The following CFAP20DC variants were observed in gnomAD, a reference collection of about 807,000 sequenced individuals.
CFAP20DC encodes CFAP20 domain containing.
In CFAP20DC, 84 loss-of-function variants were observed where a neutral mutation model predicts 101.7. The ratio of observed to expected loss-of-function variants is 0.83; its 90% confidence interval spans 0.69 to 0.99. The LOEUF (loss-of-function observed/expected upper bound fraction) is 0.99. Among genes scored for constraint, CFAP20DC ranks in the 50% least tolerant of loss-of-function variants. The pLI, the probability that CFAP20DC is intolerant of heterozygous loss-of-function variation, is 0.00. For synonymous variants in CFAP20DC, 359 were observed against 351.2 expected, an observed-to-expected ratio of 1.02 and a Z score of -0.25; for missense variants, 1,007 against 970.3, an observed-to-expected ratio of 1.04 and a Z score of -0.50.
At chr3:58,969,082 C>T (rs1345138605) in intron 4 of CFAP20DC, among the ~76,000 whole-genome samples, 1 of 152,104 alleles carries the variant, frequency 6.6e-6, no homozygotes, top group Non-Finnish European at 1.5e-5. Flanking sequence ...TGTTTTTGTA[C>T]CAGTACCATG....
chr3:58,945,535 G>C (rs897836918), intron 4 of CFAP20DC, among the ~76,000 whole-genome samples: 1 of 151,994 alleles, frequency 6.6e-6, no homozygotes, highest in African/African-American at 2.4e-5. Flanking sequence ...CTCATTCCCA[G>C]GCTCCTGGGG....
Position 59,014,341 on chromosome 3 carries a change from T to C in CFAP20DC, c.278+25216A>G, listed in dbSNP as rs1246841854. ...ATAATGTGAAGCTACTTAAAAATAA[T>C]AAAAATCCACCAGAGATGATGTAGA... On this transcript the variant is annotated intron_variant, in intron 4 of 16. Coordinates refer to ENST00000482387, the MANE Select transcript of CFAP20DC (RefSeq NM_001394063.1). This position sits in a 1 kb window ranked among gnomAD's most constrained non-coding sequence, Gnocchi z 4.9. Among the ~76,000 whole-genome samples the C allele has an allele frequency of 6.6e-6, 1 of 152,084 alleles. No homozygotes were observed. The highest frequency in any genetic ancestry group is 1.5e-5 in the Non-Finnish European group (1 of 67,984).
At chr3:59,029,520 G>T (rs900360124) in intron 4 of CFAP20DC, among the ~76,000 whole-genome samples, 5 of 152,060 alleles carry the variant, frequency 3.3e-5, no homozygotes, top group African/African-American at 1.2e-4. Context: ...CCTAAGAAGA[G>T]ACTTCACCTG....
At chr3:58,819,411 A>G (rs1288306564) in intron 14 of CFAP20DC, among the ~76,000 whole-genome samples, 4 of 151,858 alleles carry the variant, frequency 2.6e-5, no homozygotes, top group Non-Finnish European at 5.9e-5. Flanking sequence ...TAATAAAGAA[A>G]AAAAGAGAGA....
At chr3:58,891,868 C>G (rs1254324040) in intron 6 of CFAP20DC, among the ~76,000 whole-genome samples, 1 of 152,200 alleles carries the variant, frequency 6.6e-6, no homozygotes, top group African/African-American at 2.4e-5. Flanking sequence ...GTGTTTTCAT[C>G]ATGAAATCTT....
At chr3:58,791,014 C>G (rs2072801831) in intron 15 of CFAP20DC, among the ~76,000 whole-genome samples, 1 of 152,130 alleles carries the variant, frequency 6.6e-6, no homozygotes, top group Non-Finnish European at 1.5e-5. Context: ...AAGCCTACAT[C>G]AGCTCAGTAT....
At chr3:58,778,280 T>C (rs1332637492) in intron 15 of CFAP20DC, among the ~76,000 whole-genome samples, 1 of 152,180 alleles carries the variant, frequency 6.6e-6, no homozygotes, top group Non-Finnish European at 1.5e-5. Flanking sequence ...AGGGCAGATC[T>C]TCCCAGCCTG....
chr3:59,038,791 A>G (rs1331883406), intron 4 of CFAP20DC, among the ~76,000 whole-genome samples: 2 of 152,138 alleles, frequency 1.3e-5, no homozygotes, highest in Non-Finnish European at 2.9e-5. Context: ...TCTTTTACTT[A>G]GTAAAAGCAG....
chr3:58,781,515 CT>C (rs2071824079), intron 15 of CFAP20DC, among the ~76,000 whole-genome samples: 1 of 151,662 alleles, frequency 6.6e-6, no homozygotes, highest in Admixed American at 6.6e-5. Flanking sequence ...AAAAAGTTGG[CT>C]TTTTGAAAGA....
chr3:58,931,694 C>T (rs1474202739), intron 5 of CFAP20DC, among the ~76,000 whole-genome samples: 2 of 151,060 alleles, frequency 1.3e-5, no homozygotes, highest in Non-Finnish European at 2.9e-5. Context: ...CAAACTCCAA[C>T]GGACCTGCAG....
intron 4 of CFAP20DC, among the ~76,000 whole-genome samples, chr3:58,986,872 A>C (rs1463298042): frequency 6.6e-6 from 1 of 152,190 alleles, no homozygotes; most frequent in Admixed American, 6.5e-5. Flanking sequence ...GAAATGATAC[A>C]CCATGAGGGA....
At chr3:58,783,742 A>C (rs1474878254) in intron 15 of CFAP20DC, among the ~76,000 whole-genome samples, 1 of 152,152 alleles carries the variant, frequency 6.6e-6, no homozygotes, top group African/African-American at 2.4e-5. Context: ...AACCACAATG[A>C]GATATCGTCT....
intron 4 of CFAP20DC, among the ~76,000 whole-genome samples, chr3:59,022,922 C>T (rs1162608650): frequency 6.6e-6 from 1 of 152,036 alleles, no homozygotes; most frequent in South Asian, 2.1e-4. Flanking sequence ...TCAAGAAATA[C>T]ATGACCATTT....
intron 15 of CFAP20DC, among the ~76,000 whole-genome samples, chr3:58,786,717 A>G (rs534949718): frequency 2.6e-5 from 4 of 151,788 alleles, no homozygotes; most frequent in African/African-American, 9.6e-5. Flanking sequence ...AAGATATGCC[A>G]AAGAGAAGCT....
At chr3:58,777,381 G>A (rs1001007315) in intron 15 of CFAP20DC, among the ~76,000 whole-genome samples, 6 of 152,178 alleles carry the variant, frequency 3.9e-5, no homozygotes, top group African/African-American at 1.4e-4. Context: ...CATGTTGTCA[G>A]GACCTCCTGA....
intron 15 of CFAP20DC, among the ~76,000 whole-genome samples, chr3:58,790,423 C>T (rs551385436): frequency 6.6e-6 from 1 of 152,334 alleles, no homozygotes; most frequent in South Asian, 2.1e-4. Flanking sequence ...CCTGTTTTCT[C>T]GCCCAAAAGT....
At chr3:58,806,992 G>T (rs756251406) in intron 14 of CFAP20DC, among the ~76,000 whole-genome samples, 4 of 152,158 alleles carry the variant, frequency 2.6e-5, no homozygotes. Flanking sequence ...AGATCAAACT[G>T]CAAGGCGGCA....
At chr3:59,031,532 G>C (rs1439059820) in intron 4 of CFAP20DC, among the ~76,000 whole-genome samples, 1 of 152,148 alleles carries the variant, frequency 6.6e-6, no homozygotes, top group Non-Finnish European at 1.5e-5. Flanking sequence ...AAAGTGATAC[G>C]TGAGTGCATC....
At position 59,007,017 on chromosome 3, in the gene CFAP20DC, G is replaced by A. The variant is rs1304039957; in HGVS notation, c.278+32540C>T. Among the ~76,000 whole-genome samples the A allele has an allele frequency of 1.5e-4, 23 of 152,150 alleles. No homozygotes were observed. Among genetic ancestry groups the A allele is most frequent in the Non-Finnish European group, 7.4e-5 (5 of 68,022 alleles). On this transcript the variant is annotated intron_variant, in intron 4 of 16. Coordinates refer to ENST00000482387, the MANE Select transcript of CFAP20DC (RefSeq NM_001394063.1). The surrounding 1 kb of genome is among the most constrained non-coding windows in gnomAD (Gnocchi z 4.4). ...GCTGTTAGTGGGGCACTGCGAGAGCGAGACTGGCCTTGCCAACTGTGTGGA... is the reference window on the plus strand; with the variant it reads ...GCTGTTAGTGGGGCACTGCGAGAGCAAGACTGGCCTTGCCAACTGTGTGGA...
Sources: allele counts gnomAD v4.1 joint callset (sites outside exome capture counted in the v4.1 genomes callset), GRCh38; gene constraint gnomAD v4.1.1; non-coding constraint Gnocchi (gnomAD v3.1); transcripts MANE v1.5; gene names NCBI Gene and HGNC (gene_info 2026-07-23, HGNC 2026-07-21).